Variants in LRP1B observed in about 807,000 individuals in gnomAD.
The protein encoded by LRP1B is LDL receptor related protein 1B.
In LRP1B, 217 loss-of-function variants were observed where a neutral mutation model predicts 556.6. The ratio of observed to expected loss-of-function variants is 0.39; its 90% CI spans 0.35 to 0.44. The LOEUF (loss-of-function observed/expected upper bound fraction) is 0.44. LRP1B is among the 20% of genes least tolerant of loss of function. LRP1B has a pLI of 1.00. For missense variants in LRP1B, 5,053 were observed against 5,620.8 expected (o/e 0.90, Z 3.23); for synonymous variants, 2,047 against 1,865.8 (o/e 1.10, Z -2.50).
At chr2:141,394,281 C>A (rs1472634640) in intron 3 of LRP1B, among the ~76,000 whole-genome samples, 1 of 151,994 alleles carries the variant, frequency 6.6e-6, no homozygotes, top group East Asian at 1.9e-4. Flanking sequence ...ACTTTCAGGA[C>A]TTTTCTGGTA....
At chr2:141,035,684 A>G (rs952505004) in intron 11 of LRP1B, among the ~76,000 whole-genome samples, 2 of 152,130 alleles carry the variant, frequency 1.3e-5, no homozygotes, top group Admixed American at 6.6e-5. Flanking sequence ...TTCTGATAAT[A>G]TAACACATAA....
At chr2:141,134,027 T>C (rs553342876) in intron 7 of LRP1B, among the ~76,000 whole-genome samples, 154 of 152,016 alleles carry the variant, frequency 1.0e-3, no homozygotes, top group African/African-American at 3.0e-3. Context: ...TCTCTTACTC[T>C]TTTATTTCCT....
chr2:141,700,006 T>C (rs555861798), intron 2 of LRP1B, among the ~76,000 whole-genome samples: 74 of 151,432 alleles, frequency 4.9e-4, no homozygotes, highest in African/African-American at 1.7e-3. Context: ...CCTTTGAAAC[T>C]CATATGTAAA....
chr2:141,377,570 T>C (rs1408797315), intron 3 of LRP1B, among the ~76,000 whole-genome samples: 1 of 152,078 alleles, frequency 6.6e-6, no homozygotes, highest in Non-Finnish European at 1.5e-5. Context: ...TCTTAACTAG[T>C]TCAAAAATTC....
intron 7 of LRP1B, among the ~76,000 whole-genome samples, chr2:141,065,394 A>G (rs909042864): frequency 6.6e-6 from 1 of 151,970 alleles, no homozygotes; most frequent in Non-Finnish European, 1.5e-5. Flanking sequence ...GCCTTTTGAC[A>G]GATAATGTTC....
In LRP1B at chr2:140,840,098, G is replaced by A. The variant is rs1692052716; in HGVS notation, c.5115-13C>T. 3 of 1,508,946 alleles carry A rather than the reference G, an allele frequency of 2.0e-6. No individual in the cohort carries two copies. The highest frequency in any genetic ancestry group is 2.7e-6 in the Non-Finnish European group (3 of 1,097,490). 93.5% of individuals were successfully genotyped at this position (1,508,946 alleles called of 1,614,324 possible). Reference sequence around the variant, plus strand: ...CCAGTAGAGTTTTCTTAATTCAAAAGACATATGGATTGAAAATATTAGATG... The same window carrying A: ...CCAGTAGAGTTTTCTTAATTCAAAAAACATATGGATTGAAAATATTAGATG... On this transcript the variant is annotated splice_polypyrimidine_tract_variant and intron_variant, in intron 30 of 90. Transcript: ENST00000389484.
chr2:141,247,792 T>C (rs1326144345), intron 4 of LRP1B, among the ~76,000 whole-genome samples: 1 of 152,106 alleles, frequency 6.6e-6, no homozygotes, highest in African/African-American at 2.4e-5. Context: ...ACTCACTACT[T>C]TAAAGAGAGG....
intron 2 of LRP1B, among the ~76,000 whole-genome samples, chr2:141,512,952 G>A (rs569439696): frequency 1.2e-4 from 18 of 152,076 alleles, no homozygotes; most frequent in Admixed American, 2.0e-4. Flanking sequence ...ATACATTACC[G>A]CATTAAAGAA....
intron 7 of LRP1B, among the ~76,000 whole-genome samples, chr2:141,180,909 GAACA>G (rs1220331965): frequency 2.0e-5 from 3 of 152,036 alleles, no homozygotes; most frequent in African/African-American, 7.2e-5. Context: ...TGCCTGGGAA[GAACA>G]AAGAAAAGAT....
intron 55 of LRP1B, among the ~76,000 whole-genome samples, chr2:140,497,288 TG>T (rs1688984419): frequency 6.6e-6 from 1 of 151,886 alleles, no homozygotes; most frequent in African/African-American, 2.4e-5. Context: ...TGGATTAAAA[TG>T]AAGGCAAAAG....
intron 59 of LRP1B, among the ~76,000 whole-genome samples, chr2:140,478,894 T>C (rs761593920): frequency 6.6e-6 from 1 of 152,254 alleles, no homozygotes; most frequent in East Asian, 1.9e-4. Flanking sequence ...CTGACTTAAA[T>C]AGGAAATATG....
chr2:141,012,400 T>C (rs1697780158), intron 14 of LRP1B, among the ~76,000 whole-genome samples: 1 of 152,046 alleles, frequency 6.6e-6, no homozygotes, highest in Non-Finnish European at 1.5e-5. Flanking sequence ...ATTCATAGCC[T>C]GGGCTCTTGC....
chr2:140,971,147 G>A (rs1020763349), intron 18 of LRP1B, among the ~76,000 whole-genome samples: 8 of 152,308 alleles, frequency 5.3e-5, no homozygotes, highest in East Asian at 1.9e-4. Flanking sequence ...CTTTGCAGAC[G>A]TAAAGTTAAG....
At position 141,640,880 on chromosome 2, in the gene LRP1B, T is replaced by C. The variant is rs1689304766; in HGVS notation, c.206-160347A>G. On this transcript the variant is annotated intron_variant, in intron 2 of 90. Transcript: ENST00000389484. Reference sequence around the variant, plus strand: ...CTTCCCCAATAATTTTTCACATAACTCCTTCTTTACACAGAGCAATTGCAT... The same window carrying C: ...CTTCCCCAATAATTTTTCACATAACCCCTTCTTTACACAGAGCAATTGCAT... 2.0e-5 allele frequency among the ~76,000 whole-genome samples: 3 copies of C among 152,082 alleles called. No homozygotes were observed. The South Asian group carries it at 6.2e-4, about 31-fold the overall frequency.
chr2:141,577,422 A>C (rs1348817167), intron 2 of LRP1B, among the ~76,000 whole-genome samples: 1 of 152,220 alleles, frequency 6.6e-6, no homozygotes, highest in Non-Finnish European at 1.5e-5. Context: ...GTCAGTTTTA[A>C]ATAAATATCT....
At chr2:140,736,935 C>A (rs941788956) in intron 35 of LRP1B, among the ~76,000 whole-genome samples, 1 of 152,064 alleles carries the variant, frequency 6.6e-6, no homozygotes, top group Non-Finnish European at 1.5e-5. Context: ...GTTGAAGGAA[C>A]GTCGAGGGAG....
At chr2:141,057,761 T>G (rs1322726904) in intron 9 of LRP1B, among the ~76,000 whole-genome samples, 1 of 151,884 alleles carries the variant, frequency 6.6e-6, no homozygotes, top group East Asian at 1.9e-4. Context: ...AATTGCCCAG[T>G]CTTGGGTACG....
chr2:141,266,306 G>A (rs1183395350), intron 3 of LRP1B, among the ~76,000 whole-genome samples: 2 of 146,800 alleles, frequency 1.4e-5, no homozygotes, highest in Non-Finnish European at 3.0e-5. Flanking sequence ...CCTGAGTGAT[G>A]GAGCGAGACT....
chr2:142,049,227 G>A (rs1704361939), intron 1 of LRP1B, among the ~76,000 whole-genome samples: 1 of 152,008 alleles, frequency 6.6e-6, no homozygotes, highest in Non-Finnish European at 1.5e-5. Context: ...AGAAAACCTT[G>A]TACTTTCCAT....
Sources: allele counts gnomAD v4.1 joint callset (sites outside exome capture counted in the v4.1 genomes callset), GRCh38; gene constraint gnomAD v4.1.1; transcripts MANE v1.5; gene names NCBI Gene and HGNC (gene_info 2026-07-23, HGNC 2026-07-21).